The following CDH9 variants were observed in gnomAD, a reference collection of about 807,000 sequenced individuals.
CDH9 encodes cadherin-9.
Under a neutral mutation model 70.9 loss-of-function variants are expected in CDH9, and 28 were observed. The observed-to-expected ratio is 0.40, with a 90% CI of 0.29 to 0.54. CDH9 has a LOEUF of 0.54. Ranked by LOEUF, CDH9 falls within the 20% of genes least tolerant of loss-of-function variation. The pLI is 0.59. For synonymous variants in CDH9, 409 were observed against 343.1 expected (o/e 1.19, Z -2.12); for missense variants, 874 against 984.4 (o/e 0.89, Z 1.50).
intron 2 of CDH9, among the ~76,000 whole-genome samples, chr5:26,961,566 C>G (rs1053725435): frequency 2.0e-5 from 3 of 152,016 alleles, no homozygotes; most frequent in African/African-American, 7.3e-5. Flanking sequence ...TAAACAAGCA[C>G]CTAGGATACC....
At position 26,976,156 on chromosome 5, in the gene CDH9, T is replaced by A. The variant is rs917231987; in HGVS notation, c.228+11950A>T. On this transcript the variant is annotated intron_variant, in intron 2 of 11. Coordinates refer to ENST00000231021, the MANE Select transcript of CDH9 (RefSeq NM_016279.4). ...ATCCTCCACCAAGTTAGTGTGAATTTGAGAGTGCTTCAAAAGTTCTGTAGA... is the reference window on the plus strand; with the variant it reads ...ATCCTCCACCAAGTTAGTGTGAATTAGAGAGTGCTTCAAAAGTTCTGTAGA... Among the ~76,000 whole-genome samples the A allele has an allele frequency of 8.5e-5, 13 of 152,294 alleles. No homozygotes were observed. The East Asian group carries it at 2.3e-3, about 27-fold the overall frequency.
In CDH9 at chr5:27,031,066, A is replaced by G. The variant is rs1316239933; in HGVS notation, c.-50+7397T>C. Reference sequence around the variant, plus strand: ...TTAATACGTTTAAATTTTTCTCACCATAAAGGTAATTAAAGATCACTTTCA... The same window carrying G: ...TTAATACGTTTAAATTTTTCTCACCGTAAAGGTAATTAAAGATCACTTTCA... On this transcript the variant is annotated intron_variant, in intron 1 of 11. Coordinates refer to ENST00000231021, the MANE Select transcript of CDH9 (RefSeq NM_016279.4). Among the ~76,000 whole-genome samples, 4 of 151,770 alleles carry G rather than the reference A, an allele frequency of 2.6e-5. No homozygotes were observed. The East Asian group carries it at 5.8e-4, about 22-fold the overall frequency.
At chr5:26,959,728 C>T (rs570933842) in intron 2 of CDH9, among the ~76,000 whole-genome samples, 1 of 151,950 alleles carries the variant, frequency 6.6e-6, no homozygotes, top group East Asian at 1.9e-4. Flanking sequence ...AAACGTTTTG[C>T]TAAGTGAAAG....
chr5:27,001,674 C>G (rs1742770568), intron 1 of CDH9, among the ~76,000 whole-genome samples: 1 of 152,068 alleles, frequency 6.6e-6, no homozygotes. Flanking sequence ...TCATCCAGTA[C>G]TAATGAACTC....
chr5:26,964,250 G>A (rs1274409465), intron 2 of CDH9, among the ~76,000 whole-genome samples: 4 of 151,728 alleles, frequency 2.6e-5, no homozygotes, highest in Non-Finnish European at 5.9e-5. Flanking sequence ...GTAGAACATG[G>A]GGAAATATTT....
chr5:26,906,865 G>A, intron 3 of CDH9, 27 bp from the exon 4 acceptor site: 1 of 1,575,872 alleles, frequency 6.3e-7, no homozygotes, highest in Non-Finnish European at 8.6e-7. Context: ...TCCCCAAACA[G>A]AGACATTTAC....
chr5:26,951,289 CTCAAA>C (rs1561014744), intron 2 of CDH9, among the ~76,000 whole-genome samples: 1 of 6,102 alleles, frequency 1.6e-4, no homozygotes, highest in East Asian at 0.1. Flanking sequence ...AAGACTCTGT[CTCAAA>C]AAAAAAAAAA....
intron 2 of CDH9, among the ~76,000 whole-genome samples, chr5:26,986,628 C>T (rs534181052): frequency 7.2e-5 from 11 of 152,236 alleles, no homozygotes; most frequent in Non-Finnish European, 1.6e-4. Context: ...TCTTCTGTAT[C>T]TGTGAATCTC....
chr5:26,887,508 T>C (rs1397613542), intron 9 of CDH9, among the ~76,000 whole-genome samples: 1 of 151,046 alleles, frequency 6.6e-6, no homozygotes, highest in Non-Finnish European at 1.5e-5. Flanking sequence ...TTCTATAAAA[T>C]ATTAGCATAT....
chr5:26,901,278 T>C (rs1740849925), intron 7 of CDH9, among the ~76,000 whole-genome samples: 1 of 151,888 alleles, frequency 6.6e-6, no homozygotes, highest in Non-Finnish European at 1.5e-5. Flanking sequence ...AAAACAGATG[T>C]TTAGTGAATT....
At chr5:27,037,204 A>C (rs769549997) in intron 1 of CDH9, among the ~76,000 whole-genome samples, 1 of 151,980 alleles carries the variant, frequency 6.6e-6, no homozygotes, top group Non-Finnish European at 1.5e-5. Flanking sequence ...GAGTCGAAGG[A>C]AGATTCCCTT....
At chr5:27,006,754 G>A (rs1017541022) in intron 1 of CDH9, among the ~76,000 whole-genome samples, 1 of 152,086 alleles carries the variant, frequency 6.6e-6, no homozygotes, top group African/African-American at 2.4e-5. Context: ...AATAGATCAT[G>A]CTGCTCCCAT....
intron 1 of CDH9, among the ~76,000 whole-genome samples, chr5:27,013,855 TATATCCC>T (rs1743002769): frequency 6.6e-6 from 1 of 152,018 alleles, no homozygotes; most frequent in Non-Finnish European, 1.5e-5. Flanking sequence ...ATTCCCATTC[TATATCCC>T]ATACAAAATG....
At chr5:26,899,048 C>T (rs4728763) in intron 7 of CDH9, among the ~76,000 whole-genome samples, 10 of 151,936 alleles carry the variant, frequency 6.6e-5, no homozygotes, top group South Asian at 2.1e-4. Context: ...GACATTTATG[C>T]GGCCAACAAA....
intron 1 of CDH9, among the ~76,000 whole-genome samples, chr5:27,037,400 T>C (rs897745432): frequency 1.3e-5 from 2 of 151,992 alleles, no homozygotes; most frequent in African/African-American, 2.4e-5. Context: ...TAGTCCATTA[T>C]ATCTTCATCA....
chr5:26,991,813 G>C (rs1455909447), intron 1 of CDH9, among the ~76,000 whole-genome samples: 10 of 152,064 alleles, frequency 6.6e-5, no homozygotes, highest in Non-Finnish European at 2.9e-5. Context: ...TTTATATCAG[G>C]AGAAAAGTGG....
At chr5:26,936,415 A>T (rs983325334) in intron 2 of CDH9, among the ~76,000 whole-genome samples, 1 of 152,082 alleles carries the variant, frequency 6.6e-6, no homozygotes, top group Non-Finnish European at 1.5e-5. Context: ...GAAATCAAGA[A>T]ACTAAATAAA....
At chr5:26,938,556 T>C (rs1377972589) in intron 2 of CDH9, among the ~76,000 whole-genome samples, 1 of 152,122 alleles carries the variant, frequency 6.6e-6, no homozygotes, top group East Asian at 1.9e-4. Flanking sequence ...ACTTTTCTAA[T>C]AAACTCTCTG....
chr5:26,902,034 A>G (rs1740863476), intron 7 of CDH9, among the ~76,000 whole-genome samples: 1 of 151,854 alleles, frequency 6.6e-6, no homozygotes, highest in South Asian at 2.1e-4. Flanking sequence ...TTAGTTCCTT[A>G]TTAATTTGAA....
Sources: gnomAD v4.1 joint callset for allele counts (sites outside exome capture counted in the v4.1 genomes callset) on GRCh38, gnomAD v4.1.1 for gene constraint, MANE v1.5 for transcripts, NCBI Gene and HGNC (gene_info 2026-07-23, HGNC 2026-07-21) for gene names.